BBS9: variants seen among roughly 807,000 people sequenced by gnomAD.
The protein encoded by BBS9 is Bardet-Biedl syndrome 9.
BBS9 carries 89 observed loss-of-function variants against 117.7 expected under a neutral mutation model. That is an observed-to-expected ratio of 0.76 (90% confidence interval 0.64 to 0.90). The LOEUF (loss-of-function observed/expected upper bound fraction) is 0.90. BBS9 is among the 40% of genes least tolerant of loss of function. The pLI is 0.00. For synonymous variants in BBS9, 379 were observed against 370.9 expected (o/e 1.02, Z -0.25); for missense variants, 982 against 1,042.2 (o/e 0.94, Z 0.80).
chr7:33,596,800 C>T (rs961637378), intron 21 of BBS9, among the ~76,000 whole-genome samples: 1 of 152,064 alleles, frequency 6.6e-6, no homozygotes, highest in Non-Finnish European at 1.5e-5. Context: ...CTCTCCTCCC[C>T]TTTGCTTTTA....
intron 9 of BBS9, among the ~76,000 whole-genome samples, chr7:33,280,905 GT>G (rs748350404): frequency 1.4e-4 from 7 of 48,772 alleles, no homozygotes; most frequent in Non-Finnish European, 2.3e-4. Flanking sequence ...TTAATTTGTC[GT>G]TTTTGTTTTT....
At chr7:33,551,790 A>G (rs73109640) in intron 21 of BBS9, among the ~76,000 whole-genome samples, 14,721 of 152,192 alleles carry the variant, frequency 0.097, 825 homozygotes, top group African/African-American at 0.15. Context: ...CCAGCTGTTG[A>G]CCATTTGTGC....
chr7:33,454,044 A>T (rs1268881118), intron 19 of BBS9, among the ~76,000 whole-genome samples: 6 of 152,048 alleles, frequency 3.9e-5, no homozygotes, highest in African/African-American at 1.4e-4. Flanking sequence ...TGTCAACTAT[A>T]CATGTTACTC....
chr7:33,333,810 C>T (rs779490533), intron 9 of BBS9, among the ~76,000 whole-genome samples: 14 of 152,232 alleles, frequency 9.2e-5, no homozygotes, highest in Non-Finnish European at 1.9e-4. Context: ...TGGGATTTCA[C>T]CACATTGGCC....
intron 21 of BBS9, among the ~76,000 whole-genome samples, chr7:33,603,633 T>C (rs1466944140): frequency 1.3e-5 from 2 of 152,194 alleles, no homozygotes; most frequent in East Asian, 3.8e-4. Context: ...GTTACTGTGA[T>C]CTACAGGCTT....
chr7:33,626,300 A>G (rs761008605), intron 21 of BBS9, among the ~76,000 whole-genome samples: 1 of 152,312 alleles, frequency 6.6e-6, no homozygotes, highest in South Asian at 2.1e-4. Context: ...AGAACTGTGA[A>G]GTCAATTAAA....
intron 5 of BBS9, among the ~76,000 whole-genome samples, chr7:33,229,894 C>T (rs1443516802): frequency 6.6e-6 from 1 of 152,070 alleles, no homozygotes; most frequent in Non-Finnish European, 1.5e-5. Context: ...CAAGAGTTCC[C>T]CTTTCTCTAC....
At chr7:33,374,190 T>G (rs1459464372) in intron 17 of BBS9, among the ~76,000 whole-genome samples, 1 of 152,120 alleles carries the variant, frequency 6.6e-6, no homozygotes, top group East Asian at 1.9e-4. Context: ...TAGAGGGTCT[T>G]GAGGAAGGAG....
chr7:33,187,068 T>C (rs1276747658), intron 5 of BBS9, among the ~76,000 whole-genome samples: 1 of 152,248 alleles, frequency 6.6e-6, no homozygotes, highest in Non-Finnish European at 1.5e-5. Context: ...TTTCTTTGTG[T>C]TACTAAAATT....
intron 4 of BBS9, among the ~76,000 whole-genome samples, chr7:33,160,180 A>G (rs1794640873): frequency 6.6e-6 from 1 of 152,208 alleles, no homozygotes; most frequent in South Asian, 2.1e-4. Flanking sequence ...TATAAAGCCT[A>G]TCATGAGGGA....
intron 19 of BBS9, among the ~76,000 whole-genome samples, chr7:33,423,477 A>C (rs537851942): frequency 1.3e-5 from 2 of 152,172 alleles, no homozygotes; most frequent in Non-Finnish European, 2.9e-5. Context: ...GGGTGTGCAC[A>C]CTGTGCTTCT....
chr7:33,260,462 T>C (rs1315474238), intron 6 of BBS9, among the ~76,000 whole-genome samples: 1 of 152,234 alleles, frequency 6.6e-6, no homozygotes, highest in Non-Finnish European at 1.5e-5. Flanking sequence ...ACACTGATTT[T>C]TGGCTAATGT....
chr7:33,491,503 G>A (rs376097623), intron 19 of BBS9, among the ~76,000 whole-genome samples: 22 of 152,118 alleles, frequency 1.4e-4, no homozygotes, highest in African/African-American at 4.1e-4. Flanking sequence ...AAGCTAATAT[G>A]CTACCCTTCT....
chr7:33,264,932 A>G (rs1219155638), intron 7 of BBS9, among the ~76,000 whole-genome samples: 1 of 152,226 alleles, frequency 6.6e-6, no homozygotes, highest in Non-Finnish European at 1.5e-5. Context: ...TAAGTAAAAG[A>G]TAAAAATTCA....
exon 22 of BBS9, among the ~76,000 whole-genome samples, chr7:33,635,516 T>G (rs1866102564): frequency 6.6e-6 from 1 of 152,186 alleles, no homozygotes; most frequent in Non-Finnish European, 1.5e-5. Context: ...GCTCTTCCAG[T>G]CTGTGAGCTA....
At chr7:33,258,646 G>T (rs749623533) in intron 6 of BBS9, among the ~76,000 whole-genome samples, 1 of 152,150 alleles carries the variant, frequency 6.6e-6, no homozygotes, top group Non-Finnish European at 1.5e-5. Flanking sequence ...ACTCAAGCCT[G>T]CCAAACTTGA....
At chr7:33,585,060 A>G (rs918899623) in intron 21 of BBS9, among the ~76,000 whole-genome samples, 1 of 151,938 alleles carries the variant, frequency 6.6e-6, no homozygotes, top group Non-Finnish European at 1.5e-5. Flanking sequence ...ACTTCTTTTT[A>G]GTTGTAAATC....
rs1864891919 is a variant in BBS9 at position 33,611,818 on chromosome 7, T to C, written c.2522-23359T>C. ...GGTATATATTATACCTTAAACCTTA[T>C]ATATAATATTATTATATAATATTAT... is the stretch of plus-strand genomic sequence containing the variant. On this transcript the variant is annotated intron_variant, in intron 21 of 21. Coordinates refer to the BBS9 transcript ENST00000671952. 2.9e-5 allele frequency among the ~76,000 whole-genome samples: 4 copies of C among 136,862 alleles called. No homozygotes were observed. The Admixed American group carries it at 3.0e-4, about 10-fold the overall frequency. 89.8% of individuals were successfully genotyped at this position (136,862 alleles called of 152,430 possible). A position where few individuals can be genotyped will look rare whatever the true frequency, so the allele number is the denominator to read the frequency against.
At chr7:33,211,146 G>A (rs1283529092) in intron 5 of BBS9, among the ~76,000 whole-genome samples, 6 of 152,074 alleles carry the variant, frequency 3.9e-5, no homozygotes. Context: ...GTTTTAATTG[G>A]AGAGTTTAGT....
Sources: allele counts gnomAD v4.1 joint callset (sites outside exome capture counted in the v4.1 genomes callset), GRCh38; gene constraint gnomAD v4.1.1; transcripts MANE v1.5; gene names NCBI Gene and HGNC (gene_info 2026-07-23, HGNC 2026-07-21).